SLCO1B1: variants seen among roughly 807,000 people sequenced by gnomAD.
The protein encoded by SLCO1B1 is OATP-2.
Under a neutral mutation model 70.1 loss-of-function variants are expected in SLCO1B1, and 81 were observed. That is an observed-to-expected ratio of 1.16 (90% CI 0.97 to 1.39). SLCO1B1 has a LOEUF of 1.39. Among genes scored for constraint, SLCO1B1 ranks in the 40% most tolerant of loss-of-function variants. The probability of loss-of-function intolerance (pLI) is 0.00; values close to 1 mark genes in which losing one functional copy is unlikely to be tolerated. For missense variants in SLCO1B1, 895 were observed against 799.6 expected (o/e 1.12, Z -1.44); for synonymous variants, 283 against 271.5 (o/e 1.04, Z -0.42).
rs530007878 is a variant in SLCO1B1, at chr12:21,225,491, G to T, written c.1865+652G>T. Among the ~76,000 whole-genome samples, 1,183 of 152,124 alleles carry T rather than the reference G, an allele frequency of 7.8e-3. 14 individuals carry two copies. Among genetic ancestry groups the T allele is most frequent in the African/African-American group, 0.027 (1,104 of 41,526 alleles). ...TACACTTTGAAATGTGAAACTACATGTATTAAAACTCATAGTATAATTTCT... is the reference window on the plus strand; with the variant it reads ...TACACTTTGAAATGTGAAACTACATTTATTAAAACTCATAGTATAATTTCT... On this transcript the variant is annotated intron_variant, in intron 14 of 14. Transcript: ENST00000256958.
chr12:21,194,996 C>T (rs1460879237), intron 7 of SLCO1B1, among the ~76,000 whole-genome samples: 1 of 152,156 alleles, frequency 6.6e-6, no homozygotes, highest in Non-Finnish European at 1.5e-5. Flanking sequence ...CCTGAGAACT[C>T]ATACACTATT....
At chr12:21,205,739 A>C in intron 10 of SLCO1B1, 129 bp from the exon 11 acceptor site, 1 of 658,926 alleles carries the variant, frequency 1.5e-6, no homozygotes, top group South Asian at 2.3e-5. Context: ...TCTTCATATA[A>C]AGAAAAATTC....
At chr12:21,227,280 T>G (rs999245055) in intron 14 of SLCO1B1, among the ~76,000 whole-genome samples, 1 of 151,968 alleles carries the variant, frequency 6.6e-6, no homozygotes, top group Non-Finnish European at 1.5e-5. Flanking sequence ...GAAGAAAAAA[T>G]TATTTGTTTA....
intron 9 of SLCO1B1, among the ~76,000 whole-genome samples, chr12:21,202,005 T>A (rs539871090): frequency 5.3e-5 from 8 of 152,168 alleles, no homozygotes; most frequent in African/African-American, 1.4e-4. Flanking sequence ...GTGGCACATG[T>A]GTACCATGGA....
chr12:21,235,639 T>C (rs1258729879), intron 14 of SLCO1B1, among the ~76,000 whole-genome samples: 2 of 152,088 alleles, frequency 1.3e-5, no homozygotes, highest in African/African-American at 2.4e-5. Flanking sequence ...TAATAGGATC[T>C]GTAGGCTTTG....
At chr12:21,222,580 G>A (rs963339315) in intron 13 of SLCO1B1, among the ~76,000 whole-genome samples, 13 of 151,324 alleles carry the variant, frequency 8.6e-5, no homozygotes, top group African/African-American at 3.1e-4. Flanking sequence ...GTAAAATTGA[G>A]TGATGGACCT....
chr12:21,184,349 T>G (rs527831882), intron 7 of SLCO1B1, among the ~76,000 whole-genome samples: 13 of 152,232 alleles, frequency 8.5e-5, no homozygotes, highest in East Asian at 3.9e-4. Flanking sequence ...AAGATTTTTT[T>G]GGGGGGCAGC....
chr12:21,172,710 A>G lies in SLCO1B1; in HGVS notation c.145A>G (p.Lys49Glu), dbSNP rs745339838. Residue 49 changes from lysine to glutamate, a missense_variant, in exon 3 of 15, where the codon AAA becomes GAA. Coordinates refer to ENST00000256958, the MANE Select transcript of SLCO1B1 (RefSeq NM_006446.5). ...IAKTLGAIIM[K>E]SSIIHIERRF... Reference sequence around the variant, plus strand: ...TAAGACACTAGGTGCAATTATTATGAAAAGTTCCATCATTCATATAGAACG... The same window carrying G: ...TAAGACACTAGGTGCAATTATTATGGAAAGTTCCATCATTCATATAGAACG... 1.9e-6 allele frequency: 3 copies of G among 1,613,694 alleles called. No individual in the cohort carries two copies.
chr12:21,142,568 G>T (rs1030224958), intron 2 of SLCO1B1, among the ~76,000 whole-genome samples: 2 of 151,840 alleles, frequency 1.3e-5, no homozygotes, highest in Admixed American at 6.6e-5. Flanking sequence ...TTACAATAAT[G>T]TTATAAAAGG....
At chr12:21,184,674 T>C (rs1478631006) in intron 7 of SLCO1B1, among the ~76,000 whole-genome samples, 1 of 152,028 alleles carries the variant, frequency 6.6e-6, no homozygotes, top group Non-Finnish European at 1.5e-5. Context: ...CTTAAATAGG[T>C]AGCCCAGACA....
At chr12:21,169,319 A>G (rs1176750028) in intron 2 of SLCO1B1, among the ~76,000 whole-genome samples, 1 of 152,128 alleles carries the variant, frequency 6.6e-6, no homozygotes, top group Non-Finnish European at 1.5e-5. Context: ...CATAATTTAC[A>G]AGTTTTCAGA....
rs1180601537 is a variant in SLCO1B1, at chr12:21,239,534, TA to T, written c.*350del. On this transcript the variant is annotated 3_prime_UTR_variant, in exon 15 of 15. Transcript: ENST00000256958. ...AAATGAGTATCATACAGGTAGAGGT[TA>T]AAAAGGAGGAGCTAGATTCATATCC... is the stretch of plus-strand genomic sequence containing the variant. Among the ~76,000 whole-genome samples, 1 of 152,156 alleles carries T rather than the reference TA, an allele frequency of 6.6e-6. No individual in the cohort carries two copies. The highest frequency in any genetic ancestry group is 1.5e-5 in the Non-Finnish European group (1 of 68,012).
At chr12:21,192,550 A>AT (rs1484086104) in intron 7 of SLCO1B1, among the ~76,000 whole-genome samples, 2 of 149,894 alleles carry the variant, frequency 1.3e-5, no homozygotes, top group East Asian at 2.0e-4. Context: ...TTGTGTTGAT[A>AT]TTTTTTCTAA....
intron 1 of SLCO1B1, among the ~76,000 whole-genome samples, chr12:21,136,019 G>T (rs1426098431): frequency 1.3e-5 from 2 of 152,116 alleles, no homozygotes; most frequent in Admixed American, 1.3e-4. Flanking sequence ...AGCTCTTTTA[G>T]GGCAGGCCTG....
At position 21,186,142 on chromosome 12, in the gene SLCO1B1, C is replaced by T. The variant is rs11045830; in HGVS notation, c.727+7122C>T. ...CTAATTTTATTCTAACATAAAAGTT[C>T]GCTTTTTTAAAGTTAAACTTCAAAT... On this transcript the variant is annotated intron_variant, in intron 7 of 14. Transcript: ENST00000256958. Among the ~76,000 whole-genome samples the T allele has an allele frequency of 3.1e-3, 465 of 152,114 alleles. 2 individuals are homozygous for T. The highest frequency in any genetic ancestry group is 9.6e-3 in the Admixed American group (147 of 15,268).
intron 9 of SLCO1B1, 77 bp downstream of exon 9, chr12:21,200,749 T>G: frequency 7.8e-7 from 1 of 1,276,110 alleles, no homozygotes; most frequent in Non-Finnish European, 1.1e-6. Flanking sequence ...TATTTTATTG[T>G]GAAAGTGATT....
At chr12:21,155,501 G>A (rs1053559412) in intron 2 of SLCO1B1, among the ~76,000 whole-genome samples, 13 of 151,886 alleles carry the variant, frequency 8.6e-5, no homozygotes, top group African/African-American at 3.1e-4. Context: ...ACTCCTTATG[G>A]TGTCTTCAAA....
chr12:21,141,698 T>C, intron 2 of SLCO1B1, 40 bp downstream of exon 2: 2 of 1,289,836 alleles, frequency 1.6e-6, no homozygotes, highest in East Asian at 2.3e-5. Flanking sequence ...AATAAGTAAA[T>C]AGGGAACTTT....
intron 11 of SLCO1B1, among the ~76,000 whole-genome samples, chr12:21,216,018 C>T (rs536686924): frequency 1.3e-5 from 2 of 152,182 alleles, no homozygotes; most frequent in Non-Finnish European, 1.5e-5. Flanking sequence ...CTAGCGAAGG[C>T]CTGAAAGTGA....
Sources: gnomAD v4.1 joint callset for allele counts (sites outside exome capture counted in the v4.1 genomes callset) on GRCh38, gnomAD v4.1.1 for gene constraint, MANE v1.5 for transcripts, NCBI Gene and HGNC (gene_info 2026-07-23, HGNC 2026-07-21) for gene names.